The following TAFA1 variants were observed in gnomAD, a reference collection of about 807,000 sequenced individuals.
The protein encoded by TAFA1 is chemokine-like protein TAFA-1.
In TAFA1, 4 loss-of-function variants were observed where a neutral mutation model predicts 18.5. The ratio of observed to expected loss-of-function variants is 0.22; its 90% confidence interval spans 0.11 to 0.49. TAFA1 has a LOEUF of 0.49. TAFA1 is among the 20% of genes least tolerant of loss of function. The probability of loss-of-function intolerance (pLI) is 0.98; values close to 1 mark genes in which losing one functional copy is unlikely to be tolerated. For synonymous variants in TAFA1, 56 were observed against 55.2 expected, an observed-to-expected ratio of 1.01 and a Z score of -0.06; for missense variants, 147 against 169.0, an observed-to-expected ratio of 0.87 and a Z score of 0.72.
At chr3:68,359,348 A>G (rs2069427868) in intron 2 of TAFA1, among the ~76,000 whole-genome samples, 1 of 152,036 alleles carries the variant, frequency 6.6e-6, no homozygotes, top group Admixed American at 6.6e-5. Flanking sequence ...ATGTTACCCT[A>G]CAAGGCAAAA....
chr3:68,298,881 T>C (rs1041705259), intron 2 of TAFA1, among the ~76,000 whole-genome samples: 5 of 152,204 alleles, frequency 3.3e-5, no homozygotes, highest in African/African-American at 1.2e-4. Flanking sequence ...AATGGTCTAA[T>C]ACAGTAAATT....
intron 2 of TAFA1, among the ~76,000 whole-genome samples, chr3:68,391,108 C>T (rs184716401): frequency 6.6e-6 from 1 of 152,184 alleles, no homozygotes; most frequent in Admixed American, 6.5e-5. Context: ...AAGCTAAGAA[C>T]CTTGATAAAA....
intron 2 of TAFA1, among the ~76,000 whole-genome samples, chr3:68,387,728 C>A (rs1180227792): frequency 6.6e-6 from 1 of 152,120 alleles, no homozygotes; most frequent in Non-Finnish European, 1.5e-5. Flanking sequence ...AAAGATTCCC[C>A]ATATGAGGTC....
At chr3:68,532,110 A>G (rs2073196242) in intron 3 of TAFA1, among the ~76,000 whole-genome samples, 1 of 152,202 alleles carries the variant, frequency 6.6e-6, no homozygotes, top group Non-Finnish European at 1.5e-5. Flanking sequence ...AGGAGAAAGT[A>G]GGCAAATTTA....
At chr3:68,000,464 G>A (rs1704271784), upstream of TAFA1, among the ~76,000 whole-genome samples, 1 of 152,184 alleles carries the variant, frequency 6.6e-6, no homozygotes, top group African/African-American at 2.4e-5. Flanking sequence ...TCCTATTCAA[G>A]GATCCAAGAT....
intron 2 of TAFA1, among the ~76,000 whole-genome samples, chr3:68,255,187 A>G (rs570289853): frequency 6.6e-6 from 1 of 152,302 alleles, no homozygotes; most frequent in Non-Finnish European, 1.5e-5. Context: ...GAATGATTCA[A>G]TCTGAGAAAT....
chr3:68,130,472 C>G (rs1334395011), intron 2 of TAFA1, among the ~76,000 whole-genome samples: 2 of 152,152 alleles, frequency 1.3e-5, no homozygotes, highest in African/African-American at 4.8e-5. Flanking sequence ...CAATTAGTTT[C>G]CTGTTTCTCA....
chr3:68,326,954 A>G (rs1261806600), intron 2 of TAFA1, among the ~76,000 whole-genome samples: 1 of 152,216 alleles, frequency 6.6e-6, no homozygotes. Context: ...CCCAAATCTC[A>G]TTTTGAATTG....
chr3:68,533,550 G>A (rs1485917280), intron 3 of TAFA1, among the ~76,000 whole-genome samples: 1 of 152,176 alleles, frequency 6.6e-6, no homozygotes. Context: ...TGTGAAAGGA[G>A]CAGGCAGAGG....
At position 68,013,034 on chromosome 3, in the gene TAFA1, C is replaced by T. The variant is rs576436809; in HGVS notation, c.118+6290C>T. On this transcript the variant is annotated intron_variant, in intron 2 of 4. Transcript: ENST00000478136. ...AAAATTTTCCAGACACTTTTTTTTT[C>T]GACAGCATCTACCATACCTATTCAG... 9.3e-5 allele frequency among the ~76,000 whole-genome samples: 14 copies of T among 151,330 alleles called. No homozygotes were observed. In the East Asian group the frequency reaches 2.3e-3, roughly 25 times the overall value.
chr3:68,444,651 G>T (rs1433587989), intron 3 of TAFA1, among the ~76,000 whole-genome samples: 1 of 151,708 alleles, frequency 6.6e-6, no homozygotes, highest in Non-Finnish European at 1.5e-5. Context: ...GGCTCTCAGG[G>T]CCAAGTGTGG....
chr3:68,282,925 T>C (rs150840731), intron 2 of TAFA1, among the ~76,000 whole-genome samples: 18 of 152,300 alleles, frequency 1.2e-4, no homozygotes, highest in African/African-American at 3.8e-4. Flanking sequence ...GATTACTTTC[T>C]GGTCCTGAAT....
chr3:68,360,309 A>G lies in TAFA1; in HGVS notation c.119-56971A>G, dbSNP rs139830279. ...ACATGCAAGACTTTTATGATTAACA[A>G]TTTAACTATTTAGTAGAATATAGGT... On this transcript the variant is annotated intron_variant, in intron 2 of 4. Coordinates refer to ENST00000478136, the MANE Select transcript of TAFA1 (RefSeq NM_213609.4). 4.6e-3 allele frequency among the ~76,000 whole-genome samples: 694 copies of G among 152,040 alleles called. 6 individuals are homozygous for G. Among genetic ancestry groups the G allele is most frequent in the African/African-American group, 0.015 (614 of 41,506 alleles).
At chr3:68,478,926 A>ATG (rs1367898610) in intron 3 of TAFA1, among the ~76,000 whole-genome samples, 1 of 149,706 alleles carries the variant, frequency 6.7e-6, no homozygotes, top group Non-Finnish European at 1.5e-5. Context: ...GTATATATAT[A>ATG]TATATACATA....
chr3:68,078,788 T>A (rs566117448), intron 2 of TAFA1, among the ~76,000 whole-genome samples: 3 of 152,352 alleles, frequency 2.0e-5, no homozygotes, highest in East Asian at 1.9e-4. Flanking sequence ...TTGTTGTGTC[T>A]CTGCCTGGCT....
chr3:68,266,545 G>T (rs1198615637), intron 2 of TAFA1, among the ~76,000 whole-genome samples: 2 of 152,132 alleles, frequency 1.3e-5, no homozygotes, highest in Non-Finnish European at 2.9e-5. Context: ...CTTTCTGGAA[G>T]ATACAGTATT....
At chr3:68,390,016 C>A (rs1028658405) in intron 2 of TAFA1, among the ~76,000 whole-genome samples, 1 of 152,068 alleles carries the variant, frequency 6.6e-6, no homozygotes, top group Admixed American at 6.6e-5. Context: ...CCGTTCACTC[C>A]CCTGGAAAGG....
intron 2 of TAFA1, among the ~76,000 whole-genome samples, chr3:68,267,289 C>G (rs78023506): frequency 2.6e-5 from 4 of 152,148 alleles, no homozygotes; most frequent in African/African-American, 9.7e-5. Flanking sequence ...CTTACTGAAC[C>G]CATACTTGTA....
At chr3:68,019,389 G>A (rs1704638941) in intron 2 of TAFA1, among the ~76,000 whole-genome samples, 1 of 152,180 alleles carries the variant, frequency 6.6e-6, no homozygotes, top group African/African-American at 2.4e-5. Flanking sequence ...GCCCCAGTCA[G>A]GGAAGCAGCA....
Sources: gnomAD v4.1 joint callset for allele counts (sites outside exome capture counted in the v4.1 genomes callset) on GRCh38, gnomAD v4.1.1 for gene constraint, MANE v1.5 for transcripts, NCBI Gene and HGNC (gene_info 2026-07-23, HGNC 2026-07-21) for gene names.